DNAH14: variants seen among roughly 807,000 people sequenced by gnomAD.
The protein encoded by DNAH14 is axonemal beta dynein heavy chain 14.
DNAH14 carries 478 observed loss-of-function variants against 520.9 expected under a neutral mutation model. The ratio of observed to expected loss-of-function variants is 0.92; its 90% CI spans 0.85 to 0.99. DNAH14 has a LOEUF of 0.99. DNAH14 is among the 50% of genes least tolerant of loss of function. DNAH14 has a pLI of 0.00. For missense variants in DNAH14, 4,831 were observed against 5,234.5 expected, an observed-to-expected ratio of 0.92 and a Z score of 2.38; for synonymous variants, 1,581 against 1,757.2, an observed-to-expected ratio of 0.90 and a Z score of 2.51.
intron 77 of DNAH14, among the ~76,000 whole-genome samples, chr1:225,370,803 C>T (rs1424677042): frequency 1.3e-5 from 2 of 151,860 alleles, no homozygotes. Flanking sequence ...AGGAAAAATA[C>T]ATTTTAAAAT....
intron 15 of DNAH14, among the ~76,000 whole-genome samples, chr1:225,048,918 G>T (rs1009286220): frequency 6.6e-6 from 1 of 151,986 alleles, no homozygotes; most frequent in Non-Finnish European, 1.5e-5. Flanking sequence ...CTTCTAATAG[G>T]TGTGTAGTGA....
At chr1:225,234,652 C>T (rs2091432814) in intron 42 of DNAH14, among the ~76,000 whole-genome samples, 1 of 152,184 alleles carries the variant, frequency 6.6e-6, no homozygotes, top group Admixed American at 6.5e-5. Flanking sequence ...GTCCTTTTCA[C>T]AATATTGATT....
intron 32 of DNAH14, among the ~76,000 whole-genome samples, chr1:225,152,384 G>A (rs2080582922): frequency 6.6e-6 from 1 of 152,174 alleles, no homozygotes; most frequent in African/African-American, 2.4e-5. Flanking sequence ...GTGGCAGGAG[G>A]AATAAGACAA....
chr1:225,047,814 C>T (rs573717204), intron 15 of DNAH14, among the ~76,000 whole-genome samples: 1 of 152,316 alleles, frequency 6.6e-6, no homozygotes, highest in African/African-American at 2.4e-5. Flanking sequence ...CTTAAGTCAA[C>T]CCTTTTCTTT....
chr1:225,061,045 G>A (rs1156806419), intron 17 of DNAH14, among the ~76,000 whole-genome samples: 2 of 152,010 alleles, frequency 1.3e-5, no homozygotes, highest in Non-Finnish European at 2.9e-5. Context: ...AAAGCTGTCA[G>A]ACAGGGACAT....
intron 56 of DNAH14, among the ~76,000 whole-genome samples, chr1:225,301,891 T>A (rs1055248541): frequency 2.6e-5 from 4 of 151,966 alleles, no homozygotes; most frequent in African/African-American, 4.8e-5. Flanking sequence ...AGTTATATTT[T>A]TTAATACCGT....
chr1:225,271,941 C>A lies in DNAH14; in HGVS notation c.7707C>A (p.Phe2569Leu), dbSNP rs1335948501. The A allele has an allele frequency of 7.7e-6, 12 of 1,548,876 alleles. No individual in the cohort carries two copies. The highest frequency in any genetic ancestry group is 9.6e-6 in the Non-Finnish European group (11 of 1,146,290). ...HLGIYFSINN[F>L]TPEVQKSKDQ... ...GAATTTATTTCTCCATCAATAACTT[C>A]ACACCTGAAGTTCAGAAAAGTAAGG... The change falls in exon 51 of 86, where the codon TTC becomes TTA. Residue 2569 changes from phenylalanine to leucine, a missense_variant. Coordinates refer to ENST00000682510, the MANE Select transcript of DNAH14 (RefSeq NM_001367479.1).
At chr1:225,076,155 G>T (rs2072252280) in intron 17 of DNAH14, among the ~76,000 whole-genome samples, 1 of 152,200 alleles carries the variant, frequency 6.6e-6, no homozygotes, top group Non-Finnish European at 1.5e-5. Flanking sequence ...CTTCCACGGA[G>T]GGCTGTCTGG....
chr1:225,221,656 G>T lies in DNAH14; in HGVS notation c.6440-9417G>T, dbSNP rs374781518. Among the ~76,000 whole-genome samples the T allele has an allele frequency of 9.0e-4, 137 of 152,338 alleles. 1 individual carries two copies. Among genetic ancestry groups the T allele is most frequent in the African/African-American group, 3.1e-3 (130 of 41,572 alleles). Reference sequence around the variant, plus strand: ...ACTAAAAAGTCAGGAAACAACAGATGCTGTGTAGGAGATCAGTCAGGGTGA... The same window carrying T: ...ACTAAAAAGTCAGGAAACAACAGATTCTGTGTAGGAGATCAGTCAGGGTGA... On this transcript the variant is annotated intron_variant, in intron 41 of 85. Coordinates refer to ENST00000682510, the MANE Select transcript of DNAH14 (RefSeq NM_001367479.1).
intron 10 of DNAH14, among the ~76,000 whole-genome samples, chr1:225,011,206 G>T (rs2064706351): frequency 6.6e-6 from 1 of 152,092 alleles, no homozygotes; most frequent in South Asian, 2.1e-4. Context: ...GTCGATTTTA[G>T]ATCTTTCCCA....
chr1:224,980,832 C>T (rs2062213046), intron 8 of DNAH14, among the ~76,000 whole-genome samples: 1 of 152,082 alleles, frequency 6.6e-6, no homozygotes, highest in South Asian at 2.1e-4. Flanking sequence ...GTCACCCCAC[C>T]CCCAGCTCCA....
At chr1:225,221,053 G>A (rs1346177236) in intron 41 of DNAH14, among the ~76,000 whole-genome samples, 1 of 152,148 alleles carries the variant, frequency 6.6e-6, no homozygotes, top group East Asian at 1.9e-4. Flanking sequence ...AAGCAATGGG[G>A]AAAGGATTCT....
chr1:225,176,916 G>A (rs917267455), intron 36 of DNAH14, among the ~76,000 whole-genome samples: 1 of 152,170 alleles, frequency 6.6e-6, no homozygotes, highest in African/African-American at 2.4e-5. Context: ...TACCAGTAGA[G>A]TGGGGTGTTG....
intron 69 of DNAH14, among the ~76,000 whole-genome samples, chr1:225,341,728 C>CA (rs2095185494): frequency 2.0e-5 from 3 of 152,124 alleles, no homozygotes; most frequent in Admixed American, 2.0e-4. Flanking sequence ...TTCTTCAGCA[C>CA]AAAAAATATC....
intron 46 of DNAH14, among the ~76,000 whole-genome samples, chr1:225,260,795 T>C (rs2092910446): frequency 6.6e-6 from 1 of 152,210 alleles, no homozygotes; most frequent in Non-Finnish European, 1.5e-5. Context: ...TTCCACTTAT[T>C]TGTGTTTTCT....
chr1:225,120,075 G>A (rs890078634), intron 26 of DNAH14, among the ~76,000 whole-genome samples: 1 of 152,180 alleles, frequency 6.6e-6, no homozygotes, highest in African/African-American at 2.4e-5. Flanking sequence ...CAAGCCAGCT[G>A]TATAGGAGAC....
chr1:225,290,162 AAAGAAAAC>A, intron 55 of DNAH14, 80 bp downstream of exon 55: 1 of 1,024,526 alleles, frequency 9.8e-7, no homozygotes. Context: ...TAATATTTGA[AAAGAAAAC>A]AAGAAAATAT....
chr1:225,197,874 G>C (rs114802475), intron 38 of DNAH14, among the ~76,000 whole-genome samples: 2 of 152,104 alleles, frequency 1.3e-5, no homozygotes, highest in Non-Finnish European at 2.9e-5. Context: ...ACTGATTTGC[G>C]TGCATTAATT....
intron 17 of DNAH14, among the ~76,000 whole-genome samples, chr1:225,058,776 A>T (rs1362713607): frequency 6.6e-6 from 1 of 151,950 alleles, no homozygotes; most frequent in Non-Finnish European, 1.5e-5. Flanking sequence ...TTCTGCCTTC[A>T]TTTCGTTATG....
Sources: allele counts gnomAD v4.1 joint callset (sites outside exome capture counted in the v4.1 genomes callset), GRCh38; gene constraint gnomAD v4.1.1; transcripts MANE v1.5; gene names NCBI Gene and HGNC (gene_info 2026-07-23, HGNC 2026-07-21).